Variants in CDK8 observed in about 807,000 individuals in gnomAD.
CDK8 encodes cyclin-dependent kinase 8.
Under a neutral mutation model 71.5 loss-of-function variants are expected in CDK8, and 29 were observed. That is an observed-to-expected ratio of 0.41 (90% CI 0.30 to 0.55). CDK8 has a LOEUF of 0.55. CDK8 is among the 20% of genes least tolerant of loss of function. CDK8 has a pLI of 0.37. For synonymous variants in CDK8, 161 were observed against 192.1 expected, an observed-to-expected ratio of 0.84 and a Z score of 1.34; for missense variants, 288 against 572.6, an observed-to-expected ratio of 0.50 and a Z score of 5.07.
At chr13:26,396,993 A>G (rs1199675059) in intron 8 of CDK8, among the ~76,000 whole-genome samples, 160 bp from the exon 9 acceptor site, 2 of 152,110 alleles carry the variant, frequency 1.3e-5, no homozygotes, top group Non-Finnish European at 2.9e-5. Flanking sequence ...TATTGAATGA[A>G]ATAGAAAACT....
intron 1 of CDK8, among the ~76,000 whole-genome samples, chr13:26,306,622 C>CT (rs554661537): frequency 0.02 from 2,470 of 126,666 alleles, 71 homozygotes; most frequent in African/African-American, 0.058. Context: ...CCTTATTGCT[C>CT]TTTTTTTTTT....
At chr13:26,393,626 G>C (rs1281214763) in intron 7 of CDK8, 116 bp downstream of exon 7, 1 of 1,012,958 alleles carries the variant, frequency 9.9e-7, no homozygotes, top group East Asian at 2.7e-5. Context: ...TTGAGTCTTT[G>C]TTTTTTGACT....
chr13:26,276,591 CATTT>C (rs1360969810), intron 1 of CDK8, among the ~76,000 whole-genome samples: 1 of 152,150 alleles, frequency 6.6e-6, no homozygotes, highest in African/African-American at 2.4e-5. Flanking sequence ...CTTGTTCATT[CATTT>C]ATGATTACCT....
At chr13:26,269,471 G>C (rs1872190867) in intron 1 of CDK8, among the ~76,000 whole-genome samples, 2 of 152,028 alleles carry the variant, frequency 1.3e-5, no homozygotes, top group African/African-American at 4.8e-5. Flanking sequence ...AGCTAAATTC[G>C]GAAGTAAGTA....
chr13:26,373,688 C>T (rs1874797721), intron 4 of CDK8, among the ~76,000 whole-genome samples: 1 of 151,922 alleles, frequency 6.6e-6, no homozygotes, highest in Admixed American at 6.6e-5. Flanking sequence ...CAGACAAAAG[C>T]AGACTATAAA....
intron 6 of CDK8, among the ~76,000 whole-genome samples, chr13:26,391,029 A>G (rs1369994659): frequency 2.0e-5 from 3 of 152,078 alleles, no homozygotes; most frequent in Non-Finnish European, 4.4e-5. Context: ...AAGGTAGGAA[A>G]AAGAAACTTA....
chr13:26,404,103 T>C lies in CDK8; in HGVS notation c.*22T>C. 3 of 1,613,004 alleles carry C rather than the reference T, an allele frequency of 1.9e-6. No individual in the cohort carries two copies. Among genetic ancestry groups the C allele is most frequent in the Non-Finnish European group, 2.5e-6 (3 of 1,179,452 alleles). ...CTGAGCTGCATCGGAATCTTGTCCA[T>C]GCACTGTTGCGAATGCTGCAGGGCT... On this transcript the variant is annotated 3_prime_UTR_variant, in exon 13 of 13. Coordinates refer to ENST00000381527, the MANE Select transcript of CDK8 (RefSeq NM_001260.3).
chr13:26,274,221 A>C (rs1872467132), intron 1 of CDK8, among the ~76,000 whole-genome samples: 1 of 143,204 alleles, frequency 7.0e-6, no homozygotes, highest in Non-Finnish European at 1.5e-5. Context: ...AATGTCTTTC[A>C]TAATGACAAA....
chr13:26,397,308 T>TGTG (rs1876042025), intron 9 of CDK8, 83 bp downstream of exon 9: 2 of 801,288 alleles, frequency 2.5e-6, no homozygotes, highest in Admixed American at 4.5e-5. Flanking sequence ...GATCAATTTA[T>TGTG]GTGGTTACTT....
chr13:26,285,466 A>T (rs1160366490), intron 1 of CDK8, among the ~76,000 whole-genome samples: 1 of 152,238 alleles, frequency 6.6e-6, no homozygotes, highest in African/African-American at 2.4e-5. Flanking sequence ...AACCCTTAGC[A>T]AAATCAGTAT....
intron 2 of CDK8, among the ~76,000 whole-genome samples, chr13:26,344,212 C>A (rs1372419523): frequency 6.6e-6 from 1 of 152,152 alleles, no homozygotes; most frequent in Non-Finnish European, 1.5e-5. Context: ...TATGTTGCTG[C>A]AAAAGACATG....
At chr13:26,269,987 AT>A (rs1872224955) in intron 1 of CDK8, among the ~76,000 whole-genome samples, 2 of 152,122 alleles carry the variant, frequency 1.3e-5, no homozygotes, top group South Asian at 2.1e-4. Flanking sequence ...TCATGGAAAA[AT>A]ATTAGTAATA....
intron 1 of CDK8, among the ~76,000 whole-genome samples, chr13:26,317,917 G>A (rs1874588861): frequency 6.6e-6 from 1 of 151,822 alleles, no homozygotes; most frequent in African/African-American, 2.4e-5. Context: ...CAAAAGGAAG[G>A]AAATAAAAGA....
At chr13:26,320,828 C>T (rs1266248069) in intron 1 of CDK8, among the ~76,000 whole-genome samples, 1 of 152,162 alleles carries the variant, frequency 6.6e-6, no homozygotes, top group Non-Finnish European at 1.5e-5. Flanking sequence ...AGGTACACCT[C>T]ACACTCATTA....
At chr13:26,311,243 A>C (rs971702840) in intron 1 of CDK8, among the ~76,000 whole-genome samples, 3 of 152,148 alleles carry the variant, frequency 2.0e-5, no homozygotes, top group Admixed American at 6.6e-5. Context: ...AATTCTTTGT[A>C]ACATACCTTG....
intron 6 of CDK8, among the ~76,000 whole-genome samples, chr13:26,387,338 G>A (rs371497414): frequency 6.6e-5 from 10 of 152,132 alleles, no homozygotes; most frequent in African/African-American, 2.2e-4. Flanking sequence ...GGTGACCCTT[G>A]AGTGTCTCTT....
chr13:26,305,796 C>T (rs1874017395), intron 1 of CDK8, among the ~76,000 whole-genome samples: 1 of 151,990 alleles, frequency 6.6e-6, no homozygotes, highest in Non-Finnish European at 1.5e-5. Flanking sequence ...TTTTTTTCTC[C>T]TCAAAAATCT....
At chr13:26,368,548 T>C (rs1874504279) in intron 4 of CDK8, among the ~76,000 whole-genome samples, 1 of 152,176 alleles carries the variant, frequency 6.6e-6, no homozygotes, top group African/African-American at 2.4e-5. Flanking sequence ...ACATCTTGCT[T>C]TCAGAAATTC....
intron 4 of CDK8, among the ~76,000 whole-genome samples, chr13:26,363,327 CAA>C (rs71188725): frequency 8.8e-5 from 4 of 45,234 alleles, no homozygotes; most frequent in Non-Finnish European, 7.1e-5. Context: ...GACTCCATCT[CAA>C]AAAAAAAAAA....
Sources: gnomAD v4.1 joint callset for allele counts (sites outside exome capture counted in the v4.1 genomes callset) on GRCh38, gnomAD v4.1.1 for gene constraint, MANE v1.5 for transcripts, NCBI Gene and HGNC (gene_info 2026-07-23, HGNC 2026-07-21) for gene names.